Variants in LAMA3 observed in about 807,000 individuals in gnomAD.
The protein encoded by LAMA3 is laminin subunit alpha-3.
In LAMA3, 281 loss-of-function variants were observed where a neutral mutation model predicts 402.0. The ratio of observed to expected loss-of-function variants is 0.70; its 90% CI spans 0.63 to 0.77. LAMA3 has a LOEUF of 0.77. Among genes scored for constraint, LAMA3 ranks in the 30% least tolerant of loss-of-function variants. LAMA3 has a pLI of 0.00. For synonymous variants in LAMA3, 1,431 were observed against 1,558.4 expected, an observed-to-expected ratio of 0.92 and a Z score of 1.93; for missense variants, 3,840 against 4,215.5, an observed-to-expected ratio of 0.91 and a Z score of 2.47.
At chr18:23,790,255 G>C (rs2062624328) in intron 12 of LAMA3, among the ~76,000 whole-genome samples, 2 of 152,158 alleles carry the variant, frequency 1.3e-5, no homozygotes, top group Non-Finnish European at 2.9e-5. Flanking sequence ...TTGTCCATTA[G>C]TGGATAGAGA....
intron 14 of LAMA3, among the ~76,000 whole-genome samples, chr18:23,813,325 G>T (rs976927397): frequency 6.6e-6 from 1 of 151,892 alleles, no homozygotes; most frequent in Non-Finnish European, 1.5e-5. Context: ...TGGAGTCCTA[G>T]AGTTTAACTC....
chr18:23,932,037 A>G (rs776828720), intron 65 of LAMA3, 123 bp from the exon 66 acceptor site: 292 of 1,154,476 alleles, frequency 2.5e-4, no homozygotes, highest in Admixed American at 6.8e-4. Flanking sequence ...AATAAAGTCT[A>G]GTTTCACTAG....
chr18:23,858,960 C>A, intron 34 of LAMA3, 131 bp downstream of exon 34: 1 of 929,360 alleles, frequency 1.1e-6, no homozygotes, highest in Non-Finnish European at 1.7e-6. Context: ...GTTGTTTGCT[C>A]GAATGCCATG....
intron 2 of LAMA3, among the ~76,000 whole-genome samples, chr18:23,731,092 T>G (rs1274052784): frequency 6.6e-6 from 1 of 152,228 alleles, no homozygotes; most frequent in Non-Finnish European, 1.5e-5. Context: ...GAACCTGCTT[T>G]TACTCAGCTG....
At chr18:23,935,652 T>A (rs1009814482) in intron 67 of LAMA3, among the ~76,000 whole-genome samples, 2 of 152,142 alleles carry the variant, frequency 1.3e-5, no homozygotes, top group Admixed American at 1.3e-4. Flanking sequence ...TGCTCCAATG[T>A]AAATGAAGAT....
rs556707916 is a variant in LAMA3, at chr18:23,858,061, G to C, written c.4281+73G>C. On this transcript the variant is annotated intron_variant, in intron 33 of 74. Coordinates refer to ENST00000313654, the MANE Select transcript of LAMA3 (RefSeq NM_198129.4). ...AAGTGCTTCATGTTGAGTCAACATA[G>C]AAAAGTATGTGGGAAATGGGACTGA... 1.8e-5 allele frequency: 29 copies of C among 1,567,716 alleles called. No individual in the cohort carries two copies. The African/African-American group carries it at 3.6e-4, about 20-fold the overall frequency.
At chr18:23,736,562 G>A (rs1220764746) in intron 2 of LAMA3, among the ~76,000 whole-genome samples, 1 of 151,892 alleles carries the variant, frequency 6.6e-6, no homozygotes, top group Non-Finnish European at 1.5e-5. Context: ...CAATAAAACT[G>A]TTACAAATTA....
intron 2 of LAMA3, among the ~76,000 whole-genome samples, chr18:23,729,263 G>C (rs1345386621): frequency 6.6e-6 from 1 of 151,920 alleles, no homozygotes; most frequent in Non-Finnish European, 1.5e-5. Context: ...GAGAATGTCT[G>C]GTATGTAGAA....
intron 12 of LAMA3, among the ~76,000 whole-genome samples, chr18:23,793,884 C>T (rs532953765): frequency 2.6e-5 from 4 of 152,206 alleles, no homozygotes; most frequent in Admixed American, 6.5e-5. Flanking sequence ...TCTGACGAAG[C>T]GGCTTCAGGT....
intron 1 of LAMA3, among the ~76,000 whole-genome samples, chr18:23,700,292 GC>G (rs2060768452): frequency 6.6e-6 from 1 of 152,058 alleles, no homozygotes; most frequent in African/African-American, 2.4e-5. Flanking sequence ...CCTGGATTGG[GC>G]CCCCTTTCCT....
chr18:23,905,304 T>C (rs1398294743), intron 51 of LAMA3, among the ~76,000 whole-genome samples: 1 of 152,146 alleles, frequency 6.6e-6, no homozygotes, highest in African/African-American at 2.4e-5. Flanking sequence ...TTTGTCAGTA[T>C]GCCACCAGAG....
chr18:23,952,345 C>T (rs2082945938), intron 73 of LAMA3, among the ~76,000 whole-genome samples: 1 of 152,064 alleles, frequency 6.6e-6, no homozygotes, highest in Middle Eastern at 3.4e-3. Flanking sequence ...TTTCAACAAC[C>T]ATTTAATATT....
At chr18:23,757,420 C>T (rs1434734551) in intron 6 of LAMA3, among the ~76,000 whole-genome samples, 2 of 151,964 alleles carry the variant, frequency 1.3e-5, no homozygotes, top group Non-Finnish European at 2.9e-5. Flanking sequence ...ACCTCTAACC[C>T]TTCCCCTCCC....
At chr18:23,932,004 A>G (rs923480116) in intron 65 of LAMA3, among the ~76,000 whole-genome samples, 156 bp from the exon 66 acceptor site, 1 of 152,152 alleles carries the variant, frequency 6.6e-6, no homozygotes, top group Non-Finnish European at 1.5e-5. Context: ...AAATACATGA[A>G]AAAAGTTGTA....
At chr18:23,888,968 A>G (rs1259511985) in intron 41 of LAMA3, among the ~76,000 whole-genome samples, 1 of 151,862 alleles carries the variant, frequency 6.6e-6, no homozygotes, top group African/African-American at 2.4e-5. Flanking sequence ...AGAATCAAGG[A>G]AATGTGATCT....
intron 11 of LAMA3, among the ~76,000 whole-genome samples, chr18:23,779,208 G>A (rs530057189): frequency 1.3e-5 from 2 of 152,316 alleles, no homozygotes; most frequent in African/African-American, 2.4e-5. Flanking sequence ...AGGAGCCATG[G>A]AGAGTTTTGC....
rs748342390 is a variant in LAMA3, at chr18:23,763,487, C to G, written c.1146C>G (p.Gly382=). Residue 382 remains glycine (G), a synonymous_variant, in exon 8 of 75, where the codon GGC becomes GGG. Coordinates refer to ENST00000313654, the MANE Select transcript of LAMA3 (RefSeq NM_198129.4). ...ERQQASLNTQ[G]IYAGGGVCIN... The stretch of plus-strand genomic sequence containing the variant: ...AGCAGGCAAGCTTGAATACCCAGGG[C>G]ATCTATGCTGGTGGAGGGGTCTGCA... 1 of 1,612,722 alleles carries G rather than the reference C, an allele frequency of 6.2e-7. No individual in the cohort carries two copies. The highest frequency in any genetic ancestry group is 8.5e-7 in the Non-Finnish European group (1 of 1,178,880).
chr18:23,813,341 G>T (rs1003542036), intron 14 of LAMA3, among the ~76,000 whole-genome samples: 3 of 151,480 alleles, frequency 2.0e-5, no homozygotes, highest in Admixed American at 6.6e-5. Flanking sequence ...AACTCTTACT[G>T]CAGGTTTGTA....
At chr18:23,768,685 C>T (rs969712951) in intron 8 of LAMA3, among the ~76,000 whole-genome samples, 1 of 152,158 alleles carries the variant, frequency 6.6e-6, no homozygotes, top group African/African-American at 2.4e-5. Context: ...GTCACATGCA[C>T]TCATATGTTC....
Sources: gnomAD v4.1 joint callset for allele counts (sites outside exome capture counted in the v4.1 genomes callset) on GRCh38, gnomAD v4.1.1 for gene constraint, MANE v1.5 for transcripts, NCBI Gene and HGNC (gene_info 2026-07-23, HGNC 2026-07-21) for gene names.